SP140L: variants seen among roughly 807,000 people sequenced by gnomAD.
SP140L encodes nuclear body protein SP140-like protein.
A neutral mutation model predicts 84.3 loss-of-function variants in SP140L; 64 were observed. That is an observed-to-expected ratio of 0.76 (90% CI 0.62 to 0.94). The LOEUF is 0.94. SP140L is among the 40% of genes least tolerant of loss of function. The probability of loss-of-function intolerance (pLI) is 0.00; values close to 1 mark genes in which losing one functional copy is unlikely to be tolerated. For synonymous variants in SP140L, 242 were observed against 236.9 expected (o/e 1.02, Z -0.20); for missense variants, 628 against 692.5 (o/e 0.91, Z 1.05).
chr2:230,332,922 A>C (rs1040687706), intron 2 of SP140L, among the ~76,000 whole-genome samples: 1 of 152,184 alleles, frequency 6.6e-6, no homozygotes, highest in Admixed American at 6.5e-5. Context: ...TTTATGGATT[A>C]CATGTATCTT....
At chr2:230,385,750 A>T (rs1040551583) in intron 9 of SP140L, among the ~76,000 whole-genome samples, 2 of 152,148 alleles carry the variant, frequency 1.3e-5, no homozygotes, top group Admixed American at 6.5e-5. Flanking sequence ...CTTTCTGACC[A>T]AGTATTAAAA....
At position 230,382,061 on chromosome 2, in the gene SP140L, TTG is replaced by T. The variant is rs754214463; in HGVS notation, c.638-1440_638-1439del. On this transcript the variant is annotated intron_variant, in intron 7 of 18. Transcript: ENST00000415673. ...TCGTTGTGTCCAGTCCTTGATTTGT[TTG>T]TGTGTGTGGCTGGGGAGAGGTGGGC... is the stretch of plus-strand genomic sequence containing the variant. Among the ~76,000 whole-genome samples the T allele has an allele frequency of 3.5e-4, 53 of 152,236 alleles. 1 individual carries two copies. Among genetic ancestry groups the T allele is most frequent in the Middle Eastern group, 3.4e-3 (1 of 294 alleles).
chr2:230,350,646 A>C (rs941166021), intron 2 of SP140L, among the ~76,000 whole-genome samples: 3 of 152,206 alleles, frequency 2.0e-5, no homozygotes, highest in Non-Finnish European at 4.4e-5. Flanking sequence ...GAAGAAGATG[A>C]TAAACAATAA....
intron 2 of SP140L, among the ~76,000 whole-genome samples, chr2:230,340,379 G>A (rs1459536824): frequency 6.7e-6 from 1 of 148,396 alleles, no homozygotes; most frequent in Non-Finnish European, 1.5e-5. Flanking sequence ...TTGAGCCAAT[G>A]TGTGTCTCTG....
intron 7 of SP140L, among the ~76,000 whole-genome samples, chr2:230,379,024 T>G (rs1393267312): frequency 6.6e-6 from 1 of 152,212 alleles, no homozygotes; most frequent in Non-Finnish European, 1.5e-5. Flanking sequence ...TTATCCATAT[T>G]GGTGCTTTTG....
At chr2:230,394,949 A>G (rs1482110496) in intron 13 of SP140L, among the ~76,000 whole-genome samples, 1 of 152,114 alleles carries the variant, frequency 6.6e-6, no homozygotes, top group Non-Finnish European at 1.5e-5. Context: ...CTCACCCAGA[A>G]TAATCGTTGT....
chr2:230,369,979 G>A (rs2061005229), intron 5 of SP140L, among the ~76,000 whole-genome samples: 1 of 148,102 alleles, frequency 6.8e-6, no homozygotes, highest in Admixed American at 6.6e-5. Flanking sequence ...TCACCCTGTT[G>A]GCCAGGCTGG....
rs138669494 is a variant in SP140L, at chr2:230,347,922, T to C, written c.108-9883T>C. 4.7e-3 allele frequency among the ~76,000 whole-genome samples: 722 copies of C among 152,320 alleles called. 7 individuals carry two copies. Among genetic ancestry groups the C allele is most frequent in the African/African-American group, 0.016 (678 of 41,578 alleles). ...TGGCAGGAACACAGTACCAGCATGG[T>C]GATCCATGCACTGGCCACTGTGAAC... is the stretch of plus-strand genomic sequence containing the variant. On this transcript the variant is annotated intron_variant, in intron 2 of 18. Coordinates refer to ENST00000415673, the MANE Select transcript of SP140L (RefSeq NM_138402.6).
chr2:230,396,707 G>A, intron 13 of SP140L, 50 bp from the exon 14 acceptor site: 1 of 1,590,330 alleles, frequency 6.3e-7, no homozygotes, highest in Non-Finnish European at 8.6e-7. Flanking sequence ...AGTGATAGAT[G>A]GAAACAATGC....
intron 14 of SP140L, 150 bp downstream of exon 14, chr2:230,396,948 G>A (rs775680182): frequency 3.1e-5 from 28 of 912,168 alleles, no homozygotes; most frequent in Admixed American, 5.0e-5. Flanking sequence ...CCCAAGCCAG[G>A]TAGATGTGCT....
chr2:230,399,381 T>G (rs1012215457), intron 14 of SP140L, among the ~76,000 whole-genome samples: 10 of 152,250 alleles, frequency 6.6e-5, no homozygotes, highest in South Asian at 2.1e-4. Context: ...GCACCAGCTC[T>G]TTTATGGGCC....
At chr2:230,335,706 A>G (rs1201584164) in intron 2 of SP140L, among the ~76,000 whole-genome samples, 1 of 152,122 alleles carries the variant, frequency 6.6e-6, no homozygotes, top group African/African-American at 2.4e-5. Context: ...TGGGAGAGAA[A>G]GTGGGAGGGG....
At chr2:230,327,437 G>T in intron 1 of SP140L, 136 bp downstream of exon 1, 1 of 971,904 alleles carries the variant, frequency 1.0e-6, no homozygotes, top group Non-Finnish European at 1.5e-6. Context: ...TAATATAATG[G>T]AATAAAAGAG....
chr2:230,341,530 G>A (rs1325710961), intron 2 of SP140L, among the ~76,000 whole-genome samples: 1 of 151,272 alleles, frequency 6.6e-6, no homozygotes, highest in Non-Finnish European at 1.5e-5. Context: ...TTCTGTTGCT[G>A]GTGAGGAACT....
At chr2:230,401,852 C>T (rs781202636) in intron 18 of SP140L, 45 bp downstream of exon 18, 2 of 1,583,314 alleles carry the variant, frequency 1.3e-6, no homozygotes, top group East Asian at 2.2e-5. Flanking sequence ...TCCATCCTTC[C>T]CCTCATTTTC....
At chr2:230,380,514 A>G (rs1440512435) in intron 7 of SP140L, among the ~76,000 whole-genome samples, 1 of 152,188 alleles carries the variant, frequency 6.6e-6, no homozygotes, top group Admixed American at 6.5e-5. Context: ...GAAATGCACA[A>G]GTATTAAGAG....
Position 230,399,998 on chromosome 2 carries a change from A to C in SP140L, c.1198-129A>C, listed in dbSNP as rs920750604. ...AATCTCCATGCCATATTTTTCCTTC[A>C]TATCCCAGGGAGAAGCATATGCCTG... is the stretch of plus-strand genomic sequence containing the variant. On this transcript the variant is annotated intron_variant, in intron 14 of 18. Coordinates refer to ENST00000415673, the MANE Select transcript of SP140L (RefSeq NM_138402.6). The C allele has an allele frequency of 3.4e-6, 3 of 883,026 alleles. No individual in the cohort carries two copies. The South Asian group carries it at 6.2e-5, about 18-fold the overall frequency. The allele number at this position is 883,026 out of a possible 1,614,324, so 54.7% of individuals were successfully genotyped here. A position where few individuals can be genotyped will look rare whatever the true frequency, so the allele number is the denominator to read the frequency against.
chr2:230,388,890 A>G (rs1455724367), intron 10 of SP140L: 4 of 339,220 alleles, frequency 1.2e-5, no homozygotes, highest in African/African-American at 2.1e-5. Flanking sequence ...GATAAATTTC[A>G]AGGCTGAAGA....
At chr2:230,333,792 T>C (rs2059792265) in intron 2 of SP140L, among the ~76,000 whole-genome samples, 1 of 152,130 alleles carries the variant, frequency 6.6e-6, no homozygotes, top group Non-Finnish European at 1.5e-5. Flanking sequence ...TGTCTTCTTC[T>C]TTTGAATCTA....
Sources: allele counts gnomAD v4.1 joint callset (sites outside exome capture counted in the v4.1 genomes callset), GRCh38; gene constraint gnomAD v4.1.1; transcripts MANE v1.5; gene names NCBI Gene and HGNC (gene_info 2026-07-23, HGNC 2026-07-21).